NKIRAS2: variants seen among roughly 807,000 people sequenced by gnomAD.
NKIRAS2 encodes the protein NF-kappa-B inhibitor-interacting Ras-like protein 2.
A neutral mutation model predicts 20.7 loss-of-function variants in NKIRAS2; 15 were observed. That is an observed-to-expected ratio of 0.73 (90% CI 0.49 to 1.12). The LOEUF (loss-of-function observed/expected upper bound fraction) is 1.12, where lower values mean the gene tolerates loss of function less well. Ranked by LOEUF, NKIRAS2 falls within the 50% of genes most tolerant of loss-of-function variation. The pLI is 0.00. For synonymous variants in NKIRAS2, 116 were observed against 101.4 expected (o/e 1.14, Z -0.87); for missense variants, 196 against 249.6 (o/e 0.79, Z 1.45).
At position 42,023,984 on chromosome 17, in the gene NKIRAS2, T is replaced by C; in HGVS notation, c.*91T>C. 1 of 1,524,826 alleles carries C rather than the reference T, an allele frequency of 6.6e-7. No individual in the cohort carries two copies. The highest frequency in any genetic ancestry group is 1.3e-5 in the South Asian group (1 of 77,356). 94.5% of individuals were successfully genotyped at this position (1,524,826 alleles called of 1,614,324 possible). On this transcript the variant is annotated 3_prime_UTR_variant, in exon 4 of 4. Coordinates refer to ENST00000393885, the MANE Select transcript of NKIRAS2 (RefSeq NM_017595.6). ...TGAGGGCAAAGTAGAGGACAAGCTGTCTTTCCCAGTCAGCCAGGGAGCTCC... is the reference window on the plus strand; with the variant it reads ...TGAGGGCAAAGTAGAGGACAAGCTGCCTTTCCCAGTCAGCCAGGGAGCTCC...
chr17:42,017,697 T>G, upstream of NKIRAS2: 2 of 546,510 alleles, frequency 3.7e-6, no homozygotes, highest in Non-Finnish European at 3.3e-6. Flanking sequence ...CTCTAGGGCT[T>G]GGCTGCTTTC....
Position 42,024,269 on chromosome 17 carries a change from C to A in NKIRAS2, c.*376C>A. ...GGTAGGGGCCCCACCCTCTGGGCTT[C>A]CCATCAGCGACACACACACACTTAT... On this transcript the variant is annotated 3_prime_UTR_variant, in exon 4 of 4. Transcript: ENST00000393885. 1 of 281,536 alleles carries A rather than the reference C, an allele frequency of 3.6e-6. No individual in the cohort carries two copies. The allele number at this position is 281,536 out of a possible 1,614,324, so 17.4% of individuals were successfully genotyped here. A position where few individuals can be genotyped will look rare whatever the true frequency, so the allele number is the denominator to read the frequency against.
At position 42,021,593 on chromosome 17, in the gene NKIRAS2, A is replaced by G. The variant is rs1199598343; in HGVS notation, c.16A>G (p.Lys6Glu). ...AAAACTAAGCATGGGGAAGAGCTGC[A>G]AGGTGGTCGTGTGTGGCCAGGCGTC... is the stretch of plus-strand genomic sequence containing the variant. MGKSC[K>E]VVVCGQASVG... Residue 6 changes from lysine (K) to glutamate (E), a missense_variant, in exon 2 of 4, where the codon AAG becomes GAG. Physicochemically the swap from Lys to Glu is moderately conservative, Grantham distance 56. Transcript: ENST00000393885. 1 of 1,614,066 alleles carries G rather than the reference A, an allele frequency of 6.2e-7. No homozygotes were observed. The highest frequency in any genetic ancestry group is 8.5e-7 in the Non-Finnish European group (1 of 1,180,028).
upstream of NKIRAS2, among the ~76,000 whole-genome samples, chr17:42,019,043 T>C (rs1466527584): frequency 6.6e-6 from 1 of 152,256 alleles, no homozygotes. Context: ...GTTTTGTTGA[T>C]TCTCCTACCA....
chr17:42,023,175 T>A (rs2052499172), intron 3 of NKIRAS2: 1 of 253,914 alleles, frequency 3.9e-6, no homozygotes, highest in Non-Finnish European at 8.2e-6. Context: ...AGTTTTGTAT[T>A]TTTAGTAGAG....
chr17:42,022,220 A>G (rs1462104665), intron 2 of NKIRAS2, 179 bp from the exon 3 acceptor site: 1 of 655,416 alleles, frequency 1.5e-6, no homozygotes, highest in Non-Finnish European at 2.6e-6. Context: ...AAAAAAAGAA[A>G]GAAATTAATG....
upstream of NKIRAS2, among the ~76,000 whole-genome samples, chr17:42,017,905 T>TC (rs1567975746): frequency 6.6e-6 from 1 of 151,884 alleles, no homozygotes; most frequent in Non-Finnish European, 1.5e-5. Context: ...TGAGCTCAGT[T>TC]CCCCCAGCTT....
At position 42,022,413 on chromosome 17, in the gene NKIRAS2, G is replaced by A. The variant is rs782199574; in HGVS notation, c.109G>A (p.Glu37Lys). 31 of 1,585,910 alleles carry A rather than the reference G, an allele frequency of 2.0e-5. No homozygotes were observed. Among genetic ancestry groups the A allele is most frequent in the Non-Finnish European group, 2.6e-5 (30 of 1,160,860 alleles). ...GNHVVGSEMI[E>K]TQEDIYVGSI... ...TTTTATACCAGGTTCGGAGATGATC[G>A]AGACGCAGGAGGACATCTACGTGGG... Residue 37 changes from glutamate (E) to lysine (K), a missense_variant, in exon 3 of 4, where the codon GAG becomes AAG. Glu to Lys is a moderately conservative substitution (Grantham distance 56). Coordinates refer to ENST00000393885, the MANE Select transcript of NKIRAS2 (RefSeq NM_017595.6).
rs782459848 is a variant in NKIRAS2, at chr17:42,024,774, GAAGAA to G, written c.*884_*888del. 2.0e-5 allele frequency: 1 copy of G among 50,254 alleles called. No individual in the cohort carries two copies. The highest frequency in any genetic ancestry group is 5.1e-5 in the Non-Finnish European group (1 of 19,496). 3.1% of individuals were successfully genotyped at this position (50,254 alleles called of 1,614,324 possible). ...GGTCAACAGAGCAAGACTCCATCTCGAAGAAAAAAAAAAAAAATTCCCCACCCCTA... is the reference window on the plus strand; with the variant it reads ...GGTCAACAGAGCAAGACTCCATCTCGAAAAAAAAAAAATTCCCCACCCCTA... On this transcript the variant is annotated 3_prime_UTR_variant, in exon 4 of 4. Coordinates refer to ENST00000393885, the MANE Select transcript of NKIRAS2 (RefSeq NM_017595.6).
chr17:42,021,690 G>A lies in NKIRAS2; in HGVS notation c.94+19G>A. 1.2e-6 allele frequency: 2 copies of A among 1,603,176 alleles called. No individual in the cohort carries two copies. The highest frequency in any genetic ancestry group is 1.7e-6 in the Non-Finnish European group (2 of 1,170,034). ...GTAGTGGGTGAGTGTTGTTGGAGGG[G>A]GAGGAACAGTGGAAGAAGTTGAAAA... On this transcript the variant is annotated intron_variant, in intron 2 of 3. Coordinates refer to ENST00000393885, the MANE Select transcript of NKIRAS2 (RefSeq NM_017595.6).
Position 42,022,626 on chromosome 17 carries a change from A to G in NKIRAS2, c.322A>G (p.Lys108Glu). The G allele has an allele frequency of 6.2e-7, 1 of 1,612,636 alleles. No individual in the cohort carries two copies. The change falls in exon 3 of 4, where the codon AAG becomes GAG. Residue 108 changes from lysine (K) to glutamate (E), a missense_variant. Physicochemically the swap from Lys to Glu is moderately conservative, Grantham distance 56. Transcript: ENST00000393885. The stretch of plus-strand genomic sequence containing the variant: ...GCTCAAGAAGGAGATTGACAAATCC[A>G]AGGACAAGAAGGAGGTGTGTGGCAT... Reference protein sequence around the residue: ...ELLKKEIDKSKDKKEVTIVVL... With the variant: ...ELLKKEIDKSEDKKEVTIVVL...
chr17:42,020,385 GA>G (rs1555652804), intron 1 of NKIRAS2, 181 bp downstream of exon 1: 6 of 152,636 alleles, frequency 3.9e-5, no homozygotes, highest in African/African-American at 1.4e-4. Context: ...GCTATATGGA[GA>G]GGGGGTCTGT....
At chr17:42,021,805 C>A in intron 2 of NKIRAS2, 134 bp downstream of exon 2, 2 of 837,676 alleles carry the variant, frequency 2.4e-6, no homozygotes, top group Non-Finnish European at 4.2e-6. Flanking sequence ...TACATTGTAA[C>A]AGATCAACTC....
Position 42,024,164 on chromosome 17 carries a change from C to T in NKIRAS2, c.*271C>T. ...TGTCTCCTGGGGCAGTTGTGGGTCA[C>T]TGTCCCTTCCAGCTGCCCCAGACAG... On this transcript the variant is annotated 3_prime_UTR_variant, in exon 4 of 4. Coordinates refer to ENST00000393885, the MANE Select transcript of NKIRAS2 (RefSeq NM_017595.6). 2.3e-6 allele frequency: 1 copy of T among 443,674 alleles called. No homozygotes were observed. Among genetic ancestry groups the T allele is most frequent in the East Asian group, 4.7e-5 (1 of 21,284 alleles). 27.5% of individuals were successfully genotyped at this position (443,674 alleles called of 1,614,324 possible).
At position 42,024,087 on chromosome 17, in the gene NKIRAS2, C is replaced by A. The variant is rs546999224; in HGVS notation, c.*194C>A. ...AATACTCTTGGTTGACATCCCCTTC[C>A]TCAGCCCTCCCAGCCTACTCCCCAT... On this transcript the variant is annotated 3_prime_UTR_variant, in exon 4 of 4. Coordinates refer to ENST00000393885, the MANE Select transcript of NKIRAS2 (RefSeq NM_017595.6). The A allele has an allele frequency of 2.6e-4, 206 of 780,022 alleles. 6 individuals carry two copies. In the South Asian group the frequency reaches 3.6e-3, roughly 14 times the overall value. The allele number at this position is 780,022 out of a possible 1,614,324, so 48.3% of individuals were successfully genotyped here. A position where few individuals can be genotyped will look rare whatever the true frequency, so the allele number is the denominator to read the frequency against.
rs1555654017 is a variant in NKIRAS2, at chr17:42,025,371, G to C, written c.*1478G>C. ...AGGAGCTGACAGGTCCTCTTTCGGGGCTCAGGAGGGTGGGCACACACCCAG... is the reference window on the plus strand; with the variant it reads ...AGGAGCTGACAGGTCCTCTTTCGGGCCTCAGGAGGGTGGGCACACACCCAG... On this transcript the variant is annotated 3_prime_UTR_variant, in exon 4 of 4. Coordinates refer to ENST00000393885, the MANE Select transcript of NKIRAS2 (RefSeq NM_017595.6). 6.5e-6 allele frequency: 1 copy of C among 152,734 alleles called. No individual in the cohort carries two copies. The highest frequency in any genetic ancestry group is 2.4e-5 in the African/African-American group (1 of 41,430). 9.5% of individuals were successfully genotyped at this position (152,734 alleles called of 1,614,324 possible).
chr17:42,021,792 A>C (rs2052457341), intron 2 of NKIRAS2, 121 bp downstream of exon 2: 1 of 906,648 alleles, frequency 1.1e-6, no homozygotes, highest in African/African-American at 1.6e-5. Context: ...GAAGAATAAA[A>C]CTTACATTGT....
chr17:42,023,625 C>T (rs782564981), intron 3 of NKIRAS2, 29 bp from the exon 4 acceptor site: 1 of 1,601,634 alleles, frequency 6.2e-7, no homozygotes, highest in South Asian at 1.1e-5. Context: ...GGTACATTCA[C>T]AGGCCTATGC....
At position 42,024,217 on chromosome 17, in the gene NKIRAS2, C is replaced by G. The variant is rs1208849555; in HGVS notation, c.*324C>G. The G allele has an allele frequency of 8.6e-6, 3 of 347,950 alleles. No homozygotes were observed. Among genetic ancestry groups the G allele is most frequent in the African/African-American group, 6.3e-5 (3 of 47,710 alleles). The allele number at this position is 347,950 out of a possible 1,614,324, so 21.6% of individuals were successfully genotyped here. ...AGCAGAGTCACCACGCAGCAGTGTC[C>G]CTTCTTGGGTCTGAGTTCCTATTAT... On this transcript the variant is annotated 3_prime_UTR_variant, in exon 4 of 4. Transcript: ENST00000393885.
Sources: gnomAD v4.1 joint callset for allele counts (sites outside exome capture counted in the v4.1 genomes callset) on GRCh38, gnomAD v4.1.1 for gene constraint, MANE v1.5 for transcripts, NCBI Gene and HGNC (gene_info 2026-07-23, HGNC 2026-07-21) for gene names.